GRAMD4: variants seen among roughly 807,000 people sequenced by gnomAD.
The protein encoded by GRAMD4 is GRAM domain-containing protein 4.
A neutral mutation model predicts 83.9 loss-of-function variants in GRAMD4; 25 were observed. The observed-to-expected ratio is 0.30, with a 90% confidence interval of 0.22 to 0.42. GRAMD4 has a LOEUF of 0.42. Among genes scored for constraint, GRAMD4 ranks in the 10% least tolerant of loss-of-function variants. The pLI is 1.00. For missense variants in GRAMD4, 593 were observed against 788.7 expected, an observed-to-expected ratio of 0.75 and a Z score of 2.97; for synonymous variants, 336 against 320.9, an observed-to-expected ratio of 1.05 and a Z score of -0.50.
At chr22:46,674,312 T>C in intron 15 of GRAMD4, among the ~76,000 whole-genome samples, 1 of 151,968 alleles carries the variant, frequency 6.6e-6, no homozygotes, top group Non-Finnish European at 1.5e-5. Flanking sequence ...CGTCCTCTGC[T>C]GAGCCCTGGC....
At chr22:46,642,390 A>G (rs75917802) in intron 3 of GRAMD4, among the ~76,000 whole-genome samples, 1,911 of 152,310 alleles carry the variant, frequency 0.013, 36 homozygotes, top group African/African-American at 0.044. Context: ...GTTCATACAG[A>G]TAATTCTATT....
intron 3 of GRAMD4, among the ~76,000 whole-genome samples, chr22:46,650,151 T>C (rs1398702297): frequency 6.6e-6 from 1 of 152,248 alleles, no homozygotes; most frequent in African/African-American, 2.4e-5. Context: ...AGGAGTTTTA[T>C]TTAAAGATTA....
At position 46,608,903 on chromosome 22, in the gene GRAMD4, C is replaced by G. The variant is rs2081390766; in HGVS notation, c.-49-17848C>G. Among the ~76,000 whole-genome samples the G allele has an allele frequency of 2.6e-5, 4 of 152,002 alleles. No individual in the cohort carries two copies. The South Asian group carries it at 8.3e-4, about 32-fold the overall frequency. On this transcript the variant is annotated intron_variant, in intron 1 of 1. Transcript: ENST00000431155. ...CACGTGCCTGTAGTACCAGCCTCCC[C>G]AGAGGCTGAGTTGCGAGGATCACTG...
chr22:46,669,234 C>T (rs757728333), intron 13 of GRAMD4, among the ~76,000 whole-genome samples: 3 of 152,148 alleles, frequency 2.0e-5, no homozygotes, highest in Non-Finnish European at 2.9e-5. Context: ...CCTCTTGGGG[C>T]GCCTGTGGGC....
chr22:46,642,154 A>G (rs1425152310), intron 3 of GRAMD4, among the ~76,000 whole-genome samples: 1 of 152,248 alleles, frequency 6.6e-6, no homozygotes, highest in African/African-American at 2.4e-5. Context: ...GACACAACCC[A>G]GTTGTCTCTG....
At chr22:46,660,257 A>G (rs916576031) in intron 4 of GRAMD4, among the ~76,000 whole-genome samples, 1 of 152,218 alleles carries the variant, frequency 6.6e-6, no homozygotes, top group African/African-American at 2.4e-5. Context: ...TGACCCAGGA[A>G]GTGGAAGCTG....
chr22:46,616,787 T>C (rs1474417292), upstream of GRAMD4, among the ~76,000 whole-genome samples: 3 of 136,082 alleles, frequency 2.2e-5, no homozygotes, highest in Non-Finnish European at 3.2e-5. Flanking sequence ...CAGGTTCCCC[T>C]GTGTGTAGGT....
chr22:46,604,717 C>T (rs569206230), intron 1 of GRAMD4, among the ~76,000 whole-genome samples: 94 of 152,036 alleles, frequency 6.2e-4, no homozygotes, highest in African/African-American at 2.0e-3. Context: ...GGAGCCATAA[C>T]GTCCTCTGGG....
chr22:46,676,798 C>A, intron 18 of GRAMD4, 130 bp downstream of exon 18: 1 of 831,178 alleles, frequency 1.2e-6, no homozygotes. Flanking sequence ...AAAGCCGCCC[C>A]CTCCCTCGCA....
At chr22:46,589,561 C>T (rs1231449882) in intron 1 of GRAMD4, among the ~76,000 whole-genome samples, 1 of 152,084 alleles carries the variant, frequency 6.6e-6, no homozygotes, top group Non-Finnish European at 1.5e-5. Context: ...GCTGCCACCT[C>T]TGCAGTGACC....
intron 1 of GRAMD4, among the ~76,000 whole-genome samples, chr22:46,599,716 G>A (rs992523780): frequency 6.6e-6 from 1 of 152,178 alleles, no homozygotes; most frequent in East Asian, 1.9e-4. Context: ...TCTCTGAAAT[G>A]AGCATCTTGG....
At chr22:46,612,954 C>A (rs2081432291) in intron 1 of GRAMD4, among the ~76,000 whole-genome samples, 1 of 152,206 alleles carries the variant, frequency 6.6e-6, no homozygotes, top group Non-Finnish European at 1.5e-5. Flanking sequence ...CCCTTCCTGC[C>A]CCACCCGTGG....
downstream of GRAMD4, chr22:46,682,430 GT>G: frequency 4.1e-6 from 4 of 985,338 alleles, no homozygotes; most frequent in Non-Finnish European, 4.8e-6. Context: ...CATCATAGGA[GT>G]GTGGAAGCTG....
chr22:46,607,804 T>C (rs2081380051), intron 1 of GRAMD4, among the ~76,000 whole-genome samples: 1 of 152,226 alleles, frequency 6.6e-6, no homozygotes, highest in South Asian at 2.1e-4. Context: ...CTGGTTTGTT[T>C]TGGCAAAAGT....
chr22:46,674,575 G>T (rs1048107245), intron 15 of GRAMD4, 82 bp from the exon 16 acceptor site: 1 of 971,732 alleles, frequency 1.0e-6, no homozygotes, highest in Admixed American at 1.7e-5. Context: ...GGATCTGAGA[G>T]TCAGGCTCCT....
In GRAMD4 at chr22:46,664,090, C is replaced by T. The variant is rs746868099; in HGVS notation, c.690C>T (p.Ser230=). 5.6e-6 allele frequency: 9 copies of T among 1,613,128 alleles called. No individual in the cohort carries two copies. The highest frequency in any genetic ancestry group is 3.3e-5 in the Admixed American group (2 of 60,022). The change falls in exon 8 of 19, where the codon TCC becomes TCT. Residue 230 remains serine, a synonymous_variant. Coordinates refer to ENST00000406902, the MANE Select transcript of GRAMD4 (RefSeq NM_015124.5). ...KNLSALSDWY[S]VYTSAIAFTV... ...TCTCTGCCTTATCCGACTGGTACTC[C>T]GTCTACACGTCTGCCATTGCCTTCA...
In GRAMD4 at chr22:46,678,360, C is replaced by G. The variant is rs550560834; in HGVS notation, c.*1109C>G. On this transcript the variant is annotated 3_prime_UTR_variant, in exon 19 of 19. Transcript: ENST00000406902. ...CGACATGCGACAGCGTTCCCTCCCC[C>G]GCGTGCCTAGCCGGTGCCGGTCCGG... 471 of 985,422 alleles carry G rather than the reference C, an allele frequency of 4.8e-4. 2 individuals are homozygous for G. The highest frequency in any genetic ancestry group is 4.0e-3 in the African/African-American group (229 of 57,378). 61.0% of individuals were successfully genotyped at this position (985,422 alleles called of 1,614,324 possible). A position where few individuals can be genotyped will look rare whatever the true frequency, so the allele number is the denominator to read the frequency against.
chr22:46,664,224 C>G, intron 8 of GRAMD4, 107 bp downstream of exon 8: 1 of 787,388 alleles, frequency 1.3e-6, no homozygotes, highest in East Asian at 2.4e-5. Flanking sequence ...CCAGGTGGCA[C>G]TTCCTCAGGC....
upstream of GRAMD4, among the ~76,000 whole-genome samples, chr22:46,618,165 C>G (rs1024964690): frequency 2.0e-5 from 3 of 152,136 alleles, no homozygotes; most frequent in African/African-American, 7.2e-5. This position sits in a 1 kb window ranked among gnomAD's most constrained non-coding sequence, Gnocchi z 5.8. Context: ...CTGCCCACCA[C>G]GTGCCAAGCT....
Sources: gnomAD v4.1 joint callset for allele counts (sites outside exome capture counted in the v4.1 genomes callset) on GRCh38, gnomAD v4.1.1 for gene constraint, Gnocchi (gnomAD v3.1) non-coding constraint, MANE v1.5 for transcripts, NCBI Gene and HGNC (gene_info 2026-07-23, HGNC 2026-07-21) for gene names.